Variants in WSB2 observed in about 807,000 individuals in gnomAD.
The protein encoded by WSB2 is WD repeat and SOCS box-containing protein 2.
In WSB2, 12 loss-of-function variants were observed where a neutral mutation model predicts 48.8. The observed-to-expected ratio is 0.25, with a 90% confidence interval of 0.16 to 0.40. WSB2 has a LOEUF of 0.40. Ranked by LOEUF, WSB2 falls within the 10% of genes least tolerant of loss-of-function variation. The probability of loss-of-function intolerance (pLI) is 1.00; values close to 1 mark genes in which losing one functional copy is unlikely to be tolerated. For synonymous variants in WSB2, 191 were observed against 203.1 expected (o/e 0.94, Z 0.51); for missense variants, 317 against 506.2 (o/e 0.63, Z 3.59).
Position 118,043,261 on chromosome 12 carries a change from C to T in WSB2, c.299G>A (p.Ser100Asn). ...CGQIVWGLAF[S>N]PWPSPPSRKL... ...CCTGCTGGGTGGGGAAGGCCACGGG[C>T]TGAAGGCCAGCCCCCAGACAATCTG... is the stretch of plus-strand genomic sequence containing the variant. Residue 100 changes from serine to asparagine, a missense_variant, in exon 3 of 9, where the codon AGC becomes AAC. By Grantham distance (46) the Ser-to-Asn change is conservative (BLOSUM62 1). Coordinates refer to ENST00000315436, the MANE Select transcript of WSB2 (RefSeq NM_018639.5). 6.2e-7 allele frequency: 1 copy of T among 1,614,220 alleles called. No individual in the cohort carries two copies. The highest frequency in any genetic ancestry group is 1.1e-5 in the South Asian group (1 of 91,086).
chr12:118,049,091 AT>A (rs2137787433), intron 2 of WSB2, among the ~76,000 whole-genome samples: 1 of 152,366 alleles, frequency 6.6e-6, no homozygotes, highest in Non-Finnish European at 1.5e-5. Flanking sequence ...AGACTATAGA[AT>A]TTATAATTCA....
chr12:118,034,406 G>GT, intron 8 of WSB2, 48 bp from the exon 9 acceptor site: 4 of 1,599,206 alleles, frequency 2.5e-6, no homozygotes, highest in Non-Finnish European at 3.4e-6. Flanking sequence ...GGATGTTCAT[G>GT]TTTTCATGAG....
intron 1 of WSB2, among the ~76,000 whole-genome samples, chr12:118,055,307 T>C (rs1249316650): frequency 6.6e-6 from 1 of 152,174 alleles, no homozygotes; most frequent in African/African-American, 2.4e-5. Context: ...CTCAACACTC[T>C]ACAGCGCACA....
At chr12:118,049,912 A>T (rs2031817830) in intron 2 of WSB2, among the ~76,000 whole-genome samples, 1 of 152,234 alleles carries the variant, frequency 6.6e-6, no homozygotes, top group African/African-American at 2.4e-5. Flanking sequence ...AAGAAAAATA[A>T]ATGAAAGCCT....
intron 1 of WSB2, among the ~76,000 whole-genome samples, chr12:118,058,856 C>T (rs1007511385): frequency 3.3e-5 from 5 of 151,996 alleles, no homozygotes; most frequent in Non-Finnish European, 7.4e-5. Flanking sequence ...ACCACCACGC[C>T]TGGTTAATTT....
intron 1 of WSB2, among the ~76,000 whole-genome samples, chr12:118,057,257 T>C (rs575445879): frequency 2.3e-4 from 35 of 152,154 alleles, no homozygotes; most frequent in African/African-American, 6.0e-4. Context: ...AAAAGGCCTA[T>C]GAATCAGGGT....
chr12:118,041,665 C>T (rs1283347594), intron 4 of WSB2, among the ~76,000 whole-genome samples: 2 of 151,958 alleles, frequency 1.3e-5, no homozygotes, highest in African/African-American at 4.8e-5. Context: ...CTGCCTCCTT[C>T]CAATCCCTCC....
chr12:118,057,428 C>T (rs1482908260), intron 1 of WSB2, among the ~76,000 whole-genome samples: 1 of 151,998 alleles, frequency 6.6e-6, no homozygotes, highest in Non-Finnish European at 1.5e-5. Flanking sequence ...GCATGCGCCA[C>T]CACACCTGGC....
chr12:118,061,615 G>GA (rs964066698), upstream of WSB2, among the ~76,000 whole-genome samples: 7 of 150,202 alleles, frequency 4.7e-5, no homozygotes, highest in Admixed American at 4.7e-4. Flanking sequence ...CGGGCTGAGA[G>GA]AAAAACCAAG....
At chr12:118,042,736 A>G (rs2031662830) in intron 4 of WSB2, 105 bp downstream of exon 4, 1 of 1,520,842 alleles carries the variant, frequency 6.6e-7, no homozygotes. Context: ...AATCACAGAA[A>G]AAAACATCAA....
chr12:118,045,988 G>A (rs896296600), intron 2 of WSB2, among the ~76,000 whole-genome samples: 1 of 152,122 alleles, frequency 6.6e-6, no homozygotes, highest in Non-Finnish European at 1.5e-5. Context: ...TTAGGATAAA[G>A]TCCCTCAGGT....
At chr12:118,051,915 A>G (rs1242530534) in intron 2 of WSB2, among the ~76,000 whole-genome samples, 2 of 152,202 alleles carry the variant, frequency 1.3e-5, no homozygotes, top group African/African-American at 4.8e-5. Context: ...CAGAGGTTGT[A>G]GTGAGCCAAG....
chr12:118,041,068 A>G (rs1286519554), intron 4 of WSB2, among the ~76,000 whole-genome samples: 2 of 152,186 alleles, frequency 1.3e-5, no homozygotes, highest in Non-Finnish European at 2.9e-5. Flanking sequence ...CAAACAAACC[A>G]AAAAAACACC....
chr12:118,053,233 A>C (rs558547361), intron 1 of WSB2, among the ~76,000 whole-genome samples: 1 of 152,220 alleles, frequency 6.6e-6, no homozygotes, highest in African/African-American at 2.4e-5. Context: ...GCCCCAGCCC[A>C]TCGGTCCAAC....
intron 2 of WSB2, among the ~76,000 whole-genome samples, chr12:118,049,637 A>T (rs2031810531): frequency 6.6e-6 from 1 of 152,072 alleles, no homozygotes; most frequent in Admixed American, 6.6e-5. Context: ...TCCTGACCTC[A>T]AGTGATCTGC....
intron 5 of WSB2, 69 bp downstream of exon 5, chr12:118,038,217 TCA>T: frequency 4.2e-6 from 6 of 1,445,242 alleles, no homozygotes; most frequent in Non-Finnish European, 5.6e-6. Flanking sequence ...TTGAGAACAC[TCA>T]CACACACCAG....
intron 2 of WSB2, among the ~76,000 whole-genome samples, chr12:118,046,105 T>A (rs544822840): frequency 6.6e-6 from 1 of 152,238 alleles, no homozygotes; most frequent in Non-Finnish European, 1.5e-5. Context: ...GCTTTCACAC[T>A]GTGACAGCGG....
At chr12:118,049,794 A>C (rs1224127857) in intron 2 of WSB2, among the ~76,000 whole-genome samples, 1 of 152,192 alleles carries the variant, frequency 6.6e-6, no homozygotes, top group East Asian at 1.9e-4. Flanking sequence ...AGCAGCATGC[A>C]GAGTACCCAT....
chr12:118,052,307 T>C lies in WSB2; in HGVS notation c.182+3A>G, dbSNP rs191754911. 1 of 1,613,598 alleles carries C rather than the reference T, an allele frequency of 6.2e-7. No homozygotes were observed. Among genetic ancestry groups the C allele is most frequent in the Non-Finnish European group, 8.5e-7 (1 of 1,179,586 alleles). On this transcript the variant is annotated splice_donor_region_variant and intron_variant, in intron 2 of 8. Coordinates refer to ENST00000315436, the MANE Select transcript of WSB2 (RefSeq NM_018639.5). Reference sequence around the variant, plus strand: ...GATGGGGCCCCAGTACGAGAATACTTACAACTGCTCCTCCAACGGCCAGGG... The same window carrying C: ...GATGGGGCCCCAGTACGAGAATACTCACAACTGCTCCTCCAACGGCCAGGG...
Sources: gnomAD v4.1 joint callset for allele counts (sites outside exome capture counted in the v4.1 genomes callset) on GRCh38, gnomAD v4.1.1 for gene constraint, MANE v1.5 for transcripts, NCBI Gene and HGNC (gene_info 2026-07-23, HGNC 2026-07-21) for gene names.